The following SIPA1L3 variants were observed in gnomAD, a reference collection of about 807,000 sequenced individuals.
The protein encoded by SIPA1L3 is signal-induced proliferation-associated 1-like protein 3.
Under a neutral mutation model 150.1 loss-of-function variants are expected in SIPA1L3, and 59 were observed. That is an observed-to-expected ratio of 0.39 (90% CI 0.32 to 0.49). SIPA1L3 has a LOEUF of 0.49. Among genes scored for constraint, SIPA1L3 ranks in the 20% least tolerant of loss-of-function variants. The pLI, the probability that SIPA1L3 is intolerant of heterozygous loss-of-function variation, is 0.86. For synonymous variants in SIPA1L3, 1,070 were observed against 1,077.6 expected (o/e 0.99, Z 0.14); for missense variants, 2,211 against 2,489.5 (o/e 0.89, Z 2.38).
intron 1 of SIPA1L3, among the ~76,000 whole-genome samples, chr19:37,937,266 A>G (rs1278931350): frequency 6.6e-6 from 1 of 152,196 alleles, no homozygotes; most frequent in African/African-American, 2.4e-5. Context: ...AAAAATATTC[A>G]TCTATCATAA....
intron 1 of SIPA1L3, among the ~76,000 whole-genome samples, chr19:38,008,991 C>G (rs2145676295): frequency 6.6e-6 from 1 of 152,224 alleles, no homozygotes; most frequent in South Asian, 2.1e-4. Flanking sequence ...GTCCATCTCT[C>G]CTTCTTGCTT....
At chr19:38,196,651 G>C (rs1242818153) in intron 18 of SIPA1L3, among the ~76,000 whole-genome samples, 1 of 151,574 alleles carries the variant, frequency 6.6e-6, no homozygotes, top group African/African-American at 2.4e-5. Flanking sequence ...TGGAGGTCAA[G>C]GGAAGAGCAA....
chr19:37,931,623 G>A (rs1195792505), intron 1 of SIPA1L3, among the ~76,000 whole-genome samples: 4 of 152,060 alleles, frequency 2.6e-5, no homozygotes, highest in East Asian at 1.9e-4. Context: ...GATGGTGCAC[G>A]CCTGTAATCC....
intron 1 of SIPA1L3, among the ~76,000 whole-genome samples, chr19:37,971,923 T>G (rs1162043392): frequency 6.6e-6 from 1 of 152,188 alleles, no homozygotes; most frequent in Non-Finnish European, 1.5e-5. Flanking sequence ...ACTTCATTCC[T>G]TTTTGGGTTG....
chr19:38,103,854 A>C (rs1466651086), intron 6 of SIPA1L3, among the ~76,000 whole-genome samples: 2 of 146,536 alleles, frequency 1.4e-5, no homozygotes, highest in Admixed American at 7.0e-5. Context: ...ATGAGCCGAG[A>C]TCGCACCACC....
chr19:38,156,062 C>T (rs970800388), intron 13 of SIPA1L3, among the ~76,000 whole-genome samples: 2 of 151,926 alleles, frequency 1.3e-5, no homozygotes, highest in Non-Finnish European at 2.9e-5. Context: ...GCCTGGGTAA[C>T]GAGAGAGAAA....
At chr19:37,965,028 T>G (rs1016495497) in intron 1 of SIPA1L3, among the ~76,000 whole-genome samples, 1 of 152,342 alleles carries the variant, frequency 6.6e-6, no homozygotes, top group Non-Finnish European at 1.5e-5. Flanking sequence ...TGCATTAGCA[T>G]GAAAGTATTC....
chr19:38,168,988 A>G (rs1330903723), intron 15 of SIPA1L3, among the ~76,000 whole-genome samples: 1 of 152,154 alleles, frequency 6.6e-6, no homozygotes, highest in East Asian at 1.9e-4. Flanking sequence ...AAATGGATAT[A>G]TGCTTGCTTT....
intron 1 of SIPA1L3, among the ~76,000 whole-genome samples, chr19:37,912,797 A>C (rs1599785774): frequency 6.6e-6 from 1 of 152,322 alleles, no homozygotes. Flanking sequence ...GGAAGAGCCA[A>C]CTCAATCACT....
At chr19:38,034,118 C>T (rs978928899) in intron 2 of SIPA1L3, among the ~76,000 whole-genome samples, 12 of 152,280 alleles carry the variant, frequency 7.9e-5, no homozygotes, top group African/African-American at 2.9e-4. Flanking sequence ...TGCCATGTCG[C>T]ATAGCCTCCC....
At chr19:38,067,361 T>G (rs548023789) in intron 2 of SIPA1L3, among the ~76,000 whole-genome samples, 1 of 152,304 alleles carries the variant, frequency 6.6e-6, no homozygotes, top group East Asian at 1.9e-4. Context: ...CTTGCCAATT[T>G]GAATGTAACA....
chr19:38,182,560 A>G lies in SIPA1L3; in HGVS notation c.4250A>G (p.Lys1417Arg). 2 of 1,613,996 alleles carry G rather than the reference A, an allele frequency of 1.2e-6. No individual in the cohort carries two copies. The highest frequency in any genetic ancestry group is 1.7e-6 in the Non-Finnish European group (2 of 1,179,922). Residue 1417 changes from lysine to arginine, a missense_variant, in exon 16 of 22, where the codon AAA becomes AGA. Physicochemically the swap from Lys to Arg is conservative, Grantham distance 26. Transcript: ENST00000222345. Reference protein sequence around the residue: ...SRVGYPAQVYKTASAETPRPS... With the variant: ...SRVGYPAQVYRTASAETPRPS... ...GTTGGCTACCCCGCTCAGGTTTACA[A>G]AACTGCCAGTGCAGAGACTCCTCGG...
intron 13 of SIPA1L3, among the ~76,000 whole-genome samples, chr19:38,156,749 C>T (rs1468372727): frequency 1.3e-5 from 2 of 152,058 alleles, no homozygotes; most frequent in Non-Finnish European, 2.9e-5. Context: ...CGCTTGAACC[C>T]GGGAGACAGA....
intron 18 of SIPA1L3, among the ~76,000 whole-genome samples, chr19:38,197,856 C>T (rs1201079052): frequency 6.7e-6 from 1 of 149,802 alleles, no homozygotes; most frequent in Non-Finnish European, 1.5e-5. Context: ...CCTACCTGCT[C>T]CCTGTCTCCC....
chr19:38,206,417 C>G lies in SIPA1L3; in HGVS notation c.*177C>G. ...GGCTGTGAGTCAGGGTCAGCGCGCA[C>G]AGCCCTCATGCCCCAGAGGGCGAAG... is the stretch of plus-strand genomic sequence containing the variant. On this transcript the variant is annotated 3_prime_UTR_variant, in exon 22 of 22. Transcript: ENST00000222345. 3 of 692,172 alleles carry G rather than the reference C, an allele frequency of 4.3e-6. No homozygotes were observed. In the South Asian group the frequency reaches 6.4e-5, roughly 15 times the overall value. The allele number at this position is 692,172 out of a possible 1,614,324, so 42.9% of individuals were successfully genotyped here.
chr19:37,921,039 G>GT (rs2046453423), intron 1 of SIPA1L3, among the ~76,000 whole-genome samples: 2 of 152,292 alleles, frequency 1.3e-5, no homozygotes, highest in Admixed American at 1.3e-4. Context: ...GTGGGTCTTT[G>GT]TTGAGGCCCC....
intron 1 of SIPA1L3, among the ~76,000 whole-genome samples, chr19:37,956,478 A>T (rs1057317976): frequency 6.9e-6 from 1 of 144,688 alleles, no homozygotes; most frequent in Admixed American, 7.4e-5. Flanking sequence ...TTGGAAGTAT[A>T]AAAGTTTTGT....
chr19:38,145,534 C>CA (rs35073920), intron 12 of SIPA1L3, among the ~76,000 whole-genome samples: 194 of 94,192 alleles, frequency 2.1e-3, no homozygotes, highest in Admixed American at 4.0e-3. Flanking sequence ...AACTCCGTCT[C>CA]AAAAAAAAAA....
At chr19:37,935,145 C>T (rs1037213537) in intron 1 of SIPA1L3, among the ~76,000 whole-genome samples, 15 of 152,146 alleles carry the variant, frequency 9.9e-5, no homozygotes, top group Non-Finnish European at 2.1e-4. Context: ...GGAGGGTTCT[C>T]ACCAAGTCCA....
Sources: gnomAD v4.1 joint callset for allele counts (sites outside exome capture counted in the v4.1 genomes callset) on GRCh38, gnomAD v4.1.1 for gene constraint, MANE v1.5 for transcripts, NCBI Gene and HGNC (gene_info 2026-07-23, HGNC 2026-07-21) for gene names.